Variants in LAS1L observed in about 807,000 individuals in gnomAD.
LAS1L encodes the protein LAS1 like ribosome biogenesis factor.
LAS1L carries 5 observed loss-of-function variants against 57.3 expected under a neutral mutation model. The ratio of observed to expected loss-of-function variants is 0.09; its 90% CI spans 0.05 to 0.18. The LOEUF (loss-of-function observed/expected upper bound fraction) is 0.18, where lower values mean the gene tolerates loss of function less well. Among genes scored for constraint, LAS1L ranks in the 10% least tolerant of loss-of-function variants. The pLI is 1.00. For missense variants in LAS1L, 360 were observed against 568.3 expected (o/e 0.63, Z 3.73); for synonymous variants, 245 against 231.7 (o/e 1.06, Z -0.52).
chrX:65,513,677 G>A (rs917825501), intron 13 of LAS1L, among the ~76,000 whole-genome samples: 7 of 112,432 alleles, frequency 6.2e-5, no homozygotes, highest in African/African-American at 2.3e-4. Flanking sequence ...AAGCAGGGGT[G>A]GGCATGCCCC....
At position 65,518,254 on chromosome X, in the gene LAS1L, G is replaced by A; in HGVS notation, c.1660C>T (p.Gln554Ter). 8.3e-7 allele frequency: 1 copy of A among 1,211,846 alleles called. No homozygotes were observed. Among genetic ancestry groups the A allele is most frequent in the Non-Finnish European group, 1.1e-6 (1 of 895,550 alleles). Residue 554 changes from glutamine to a stop codon, truncating the protein, a stop_gained, in exon 12 of 14, where the codon CAA (glutamine) becomes TAA (stop). Coordinates refer to ENST00000374811, the MANE Select transcript of LAS1L (RefSeq NM_031206.7). LOFTEE classifies it high-confidence loss of function. ...SSFGSEAKAQ[Q>*]QEEQGSVNDV... Reference sequence around the variant, plus strand: ...TTAACACTGCCCTGCTCCTCCTGTTGCTGGGCCTTTGCTTCAGACCCGAAG... The same window carrying A: ...TTAACACTGCCCTGCTCCTCCTGTTACTGGGCCTTTGCTTCAGACCCGAAG...
At chrX:65,533,553 C>T in intron 2 of LAS1L, 57 bp downstream of exon 2, 4 of 1,167,845 alleles carry the variant, frequency 3.4e-6, no homozygotes, top group Non-Finnish European at 4.6e-6. Flanking sequence ...TATCACATGC[C>T]TCCCCTGCCT....
In LAS1L at chrX:65,534,763, C is replaced by A. The variant is rs1297811917; in HGVS notation, c.-48G>T. 2 of 1,034,452 alleles carry A rather than the reference C, an allele frequency of 1.9e-6. No individual in the cohort carries two copies. The highest frequency in any genetic ancestry group is 5.3e-5 in the Admixed American group (2 of 37,413). The allele number at this position is 1,034,452 out of a possible 1,213,427, so 85.3% of individuals were successfully genotyped here. ...GTGCCGCGCCGCTCCGCACAGCCTT[C>A]AGCTCAGCGTGCTACCCTCACTCCG... On this transcript the variant is annotated 5_prime_UTR_variant, in exon 1 of 14. Coordinates refer to ENST00000374811, the MANE Select transcript of LAS1L (RefSeq NM_031206.7).
chrX:65,532,227 G>A (rs1250696743), intron 3 of LAS1L, among the ~76,000 whole-genome samples: 1 of 112,410 alleles, frequency 8.9e-6, no homozygotes, highest in Non-Finnish European at 1.9e-5. Context: ...TTTACAAAGT[G>A]ACTCATAGTG....
intron 11 of LAS1L, among the ~76,000 whole-genome samples, chrX:65,520,131 C>T (rs1055716896): frequency 2.5e-4 from 28 of 111,556 alleles, no homozygotes; most frequent in Non-Finnish European, 4.5e-4. Flanking sequence ...GGGGGTGATG[C>T]GAATCTTAAA....
chrX:65,512,684 C>T lies in LAS1L; in HGVS notation c.*91G>A, dbSNP rs1401668326. 2 of 1,011,511 alleles carry T rather than the reference C, an allele frequency of 2.0e-6. No individual in the cohort carries two copies. The highest frequency in any genetic ancestry group is 2.7e-5 in the South Asian group (1 of 37,433). The allele number at this position is 1,011,511 out of a possible 1,213,427, so 83.4% of individuals were successfully genotyped here. ...AGTTGATGTGGCTGATCCAGGCTGTCTCCCAGGTTGTCTCAGGGAGCATCA... is the reference window on the plus strand; with the variant it reads ...AGTTGATGTGGCTGATCCAGGCTGTTTCCCAGGTTGTCTCAGGGAGCATCA... On this transcript the variant is annotated 3_prime_UTR_variant, in exon 14 of 14. Coordinates refer to ENST00000374811, the MANE Select transcript of LAS1L (RefSeq NM_031206.7).
At chrX:65,527,210 CAAAAAAAAAAAAAAAAAAAAAAA>C (rs869258564) in intron 7 of LAS1L, among the ~76,000 whole-genome samples, 663 of 11,007 alleles carry the variant, frequency 0.06, 25 homozygotes, top group African/African-American at 0.11. Flanking sequence ...AACTCTGTCT[CAAAAAAAAAAAAAAAAAAAAAAA>C]AAAAAAAAAA....
At chrX:65,524,321 C>T (rs1180058703) in intron 9 of LAS1L, 59 bp from the exon 10 acceptor site, 24 of 925,548 alleles carry the variant, frequency 2.6e-5, no homozygotes, top group Middle Eastern at 2.7e-4. Context: ...CAGGAGAGCA[C>T]GAAAGAGAGA....
At chrX:65,516,892 C>A (rs1218000361) in intron 12 of LAS1L, among the ~76,000 whole-genome samples, 2 of 110,743 alleles carry the variant, frequency 1.8e-5, no homozygotes, top group Admixed American at 9.7e-5. Context: ...GCCATAGTAT[C>A]TTTCTCTATA....
intron 11 of LAS1L, chrX:65,521,402 G>T: frequency 5.2e-6 from 2 of 387,226 alleles, no homozygotes; most frequent in Non-Finnish European, 6.6e-6. Flanking sequence ...TAGAGTCCTT[G>T]CCCTTGAAAA....
chrX:65,532,768 G>A, intron 2 of LAS1L, 138 bp from the exon 3 acceptor site: 3 of 484,755 alleles, frequency 6.2e-6, no homozygotes, highest in Non-Finnish European at 1.1e-5. Flanking sequence ...GTGTCAGCCA[G>A]AGCAGGGACA....
intron 4 of LAS1L, 60 bp from the exon 5 acceptor site, chrX:65,529,938 C>A (rs2069383267): frequency 9.3e-7 from 1 of 1,075,820 alleles, no homozygotes. Context: ...AGGCCTCCAG[C>A]CTCATCTTGT....
Position 65,525,047 on chromosome X carries a change from C to T in LAS1L, c.960G>A (p.Glu320=). ...ELKGVTCENR[E]AVLDAFLDDG... ...CATCCAGAAAAGCATCCAGCACAGCCTCCCTGGAACAAGAGGACACTAGTT... is the reference window on the plus strand; with the variant it reads ...CATCCAGAAAAGCATCCAGCACAGCTTCCCTGGAACAAGAGGACACTAGTT... Residue 320 remains glutamate, a synonymous_variant, in exon 8 of 14, where the codon GAG becomes GAA. Transcript: ENST00000374811. 8.3e-7 allele frequency: 1 copy of T among 1,204,152 alleles called. No homozygotes were observed. The highest frequency in any genetic ancestry group is 1.8e-5 in the South Asian group (1 of 56,010).
rs1392759942 is a variant in LAS1L, at chrX:65,534,751, C to T, written c.-36G>A. The T allele has an allele frequency of 7.4e-6, 8 of 1,078,133 alleles. No individual in the cohort carries two copies. The highest frequency in any genetic ancestry group is 5.3e-5 in the Admixed American group (2 of 38,016). The allele number at this position is 1,078,133 out of a possible 1,213,427, so 88.9% of individuals were successfully genotyped here. A position where few individuals can be genotyped will look rare whatever the true frequency, so the allele number is the denominator to read the frequency against. ...ACAACAGGCTCTGTGCCGCGCCGCT[C>T]CGCACAGCCTTCAGCTCAGCGTGCT... On this transcript the variant is annotated 5_prime_UTR_variant, in exon 1 of 14. Transcript: ENST00000374811.
chrX:65,531,811 C>T (rs1274791329), intron 3 of LAS1L, among the ~76,000 whole-genome samples: 3 of 111,788 alleles, frequency 2.7e-5, no homozygotes, highest in South Asian at 3.7e-4. Flanking sequence ...ATCCCAGCTA[C>T]TTGGGTGGCT....
intron 12 of LAS1L, among the ~76,000 whole-genome samples, chrX:65,516,037 C>A (rs2068615552): frequency 8.9e-6 from 1 of 111,838 alleles, no homozygotes; most frequent in African/African-American, 3.3e-5. Flanking sequence ...TCAAATGAAG[C>A]CTTCACTGGT....
chrX:65,520,118 TGCGGG>T (rs1421039457), intron 11 of LAS1L, among the ~76,000 whole-genome samples: 5 of 111,629 alleles, frequency 4.5e-5, no homozygotes, highest in Non-Finnish European at 9.4e-5. Flanking sequence ...ACCACTAAGG[TGCGGG>T]GGTGATGCGA....
chrX:65,534,605 C>T lies in LAS1L; in HGVS notation c.111G>A (p.Ser37=). 1 of 1,203,486 alleles carries T rather than the reference C, an allele frequency of 8.3e-7. No individual in the cohort carries two copies. Among genetic ancestry groups the T allele is most frequent in the Non-Finnish European group, 1.1e-6 (1 of 891,125 alleles). The change falls in exon 1 of 14, where the codon TCG becomes TCA. Residue 37 remains serine, a synonymous_variant. Coordinates refer to ENST00000374811, the MANE Select transcript of LAS1L (RefSeq NM_031206.7). The part of the protein sequence containing the change: ...CVKGKGSLPL[S]AHGIVVAWLS... The stretch of plus-strand genomic sequence containing the variant: ...GCCAGGCGACCACGATGCCGTGGGC[C>T]GAGAGTGGCAACGACCCTTTCCCTT...
At chrX:65,518,980 A>G (rs2068746259) in intron 11 of LAS1L, 1 of 750,716 alleles carries the variant, frequency 1.3e-6, no homozygotes, top group Non-Finnish European at 1.6e-6. Context: ...TTATGGGAGC[A>G]GCTACAGCCC....
Sources: allele counts gnomAD v4.1 joint callset (sites outside exome capture counted in the v4.1 genomes callset), GRCh38; gene constraint gnomAD v4.1.1; transcripts MANE v1.5; gene names NCBI Gene and HGNC (gene_info 2026-07-23, HGNC 2026-07-21).